The following FGFR1 variants were observed in gnomAD, a reference collection of about 807,000 sequenced individuals.
The protein encoded by FGFR1 is fibroblast growth factor receptor 1, also known as FGFR1/PLAG1 fusion.
Under a neutral mutation model 93.7 loss-of-function variants are expected in FGFR1, and 18 were observed. The ratio of observed to expected loss-of-function variants is 0.19; its 90% CI spans 0.13 to 0.28. The LOEUF (loss-of-function observed/expected upper bound fraction) is 0.28, where lower values mean the gene tolerates loss of function less well. Among genes scored for constraint, FGFR1 ranks in the 10% least tolerant of loss-of-function variants. FGFR1 has a pLI of 1.00. For missense variants in FGFR1, 731 were observed against 1,080.4 expected, an observed-to-expected ratio of 0.68 and a Z score of 4.53; for synonymous variants, 448 against 429.3, an observed-to-expected ratio of 1.04 and a Z score of -0.54.
At chr8:38,457,852 G>A (rs765682721) in intron 1 of FGFR1, among the ~76,000 whole-genome samples, 4 of 152,058 alleles carry the variant, frequency 2.6e-5, no homozygotes, top group East Asian at 1.9e-4. Context: ...GCGTGGTGGC[G>A]CGCACCTGTA....
intron 2 of FGFR1, among the ~76,000 whole-genome samples, chr8:38,431,628 A>G (rs568806401): frequency 6.6e-6 from 1 of 152,294 alleles, no homozygotes; most frequent in African/African-American, 2.4e-5. Flanking sequence ...TCAGCAACTG[A>G]CAGGGACTGA....
rs1213090295 is a variant in FGFR1 at position 38,416,056 on chromosome 8, G to A, written c.1668C>T (p.Pro556=). 1 of 1,610,606 alleles carries A rather than the reference G, an allele frequency of 6.2e-7. No individual in the cohort carries two copies. The change falls in exon 13 of 18, where the codon CCC becomes CCT. Residue 556 remains proline (P), a synonymous_variant. Transcript: ENST00000447712. The part of the protein sequence containing the change: ...NLLGACTQDG[P]LYVIVEYASK... ...AGGCATACTCCACGATGACATACAA[G>A]GGACCTGCAGGCACAGGAGAAGAGG...
At chr8:38,457,648 A>C (rs1289434417) in intron 1 of FGFR1, 114 bp from the exon 2 acceptor site, 1 of 1,035,398 alleles carries the variant, frequency 9.7e-7, no homozygotes. Flanking sequence ...GGACTTACTA[A>C]GGCGTCCAGA....
At chr8:38,414,957 C>A (rs946004304) in intron 13 of FGFR1, 56 bp from the exon 14 acceptor site, 1 of 1,522,100 alleles carries the variant, frequency 6.6e-7, no homozygotes, top group Non-Finnish European at 9.0e-7. Context: ...CTGGAAGGCT[C>A]TGGGCGGCCG....
chr8:38,429,781 C>G lies in FGFR1; in HGVS notation c.259G>C (p.Glu87Gln), dbSNP rs2150959492. ...NRTRITGEEV[E>Q]VQDSVPADSG... is the part of the protein sequence containing the mutation. ...TCTGCGGGCACGGAGTCCTGCACCT[C>G]CACCTCCTCCCCTGTGATGCGGGTG... Residue 87 changes from glutamate (E) to glutamine (Q), a missense_variant, in exon 3 of 18, where the codon GAG (glutamate) becomes CAG (glutamine). This residue lies in a region of FGFR1 where 212 missense variants were observed against 205.8 expected (regional missense o/e 1.03). Transcript: ENST00000447712. This position sits in a 1 kb window ranked among gnomAD's most constrained non-coding sequence, Gnocchi z 4.4. The G allele has an allele frequency of 6.2e-7, 1 of 1,611,182 alleles. No individual in the cohort carries two copies. Among genetic ancestry groups the G allele is most frequent in the Non-Finnish European group, 8.5e-7 (1 of 1,178,878 alleles).
rs775520462 is a variant in FGFR1, at chr8:38,414,294, A to C, written c.2049-5T>G. The C allele has an allele frequency of 6.2e-7, 1 of 1,614,080 alleles. No individual in the cohort carries two copies. The highest frequency in any genetic ancestry group is 1.7e-5 in the Admixed American group (1 of 60,024). ...AGGAGCACCCCGAAAGACCACCTGC[A>C]AATGGGCGGAGAGCCACAGGGTGTT... On this transcript the variant is annotated splice_polypyrimidine_tract_variant and splice_region_variant and intron_variant, in intron 15 of 17. Transcript: ENST00000447712.
intron 7 of FGFR1, chr8:38,422,642 T>C (rs1819242568): frequency 1.4e-5 from 4 of 289,302 alleles, no homozygotes; most frequent in Non-Finnish European, 2.6e-5. Context: ...CTTCAAGCGA[T>C]CCTCCCACCT....
chr8:38,437,628 G>A (rs1021195314), intron 2 of FGFR1, among the ~76,000 whole-genome samples: 1 of 152,200 alleles, frequency 6.6e-6, no homozygotes, highest in African/African-American at 2.4e-5. Flanking sequence ...AGGCATGGCT[G>A]TACCCTGGTC....
intron 2 of FGFR1, among the ~76,000 whole-genome samples, chr8:38,451,984 A>T (rs1244916787): frequency 6.6e-6 from 1 of 152,178 alleles, no homozygotes; most frequent in Non-Finnish European, 1.5e-5. Flanking sequence ...GCCTGATCTG[A>T]AACAAGCTGA....
intron 1 of FGFR1, among the ~76,000 whole-genome samples, chr8:38,462,491 AGACTCC>A (rs1834623495): frequency 2.0e-5 from 3 of 152,152 alleles, no homozygotes; most frequent in Admixed American, 6.5e-5. Flanking sequence ...CAACAAAGTG[AGACTCC>A]GTCTCAAAAA....
At chr8:38,463,782 A>G (rs1005927982) in intron 1 of FGFR1, among the ~76,000 whole-genome samples, 3 of 152,180 alleles carry the variant, frequency 2.0e-5, no homozygotes, top group Admixed American at 2.0e-4. Flanking sequence ...AGAATTGAGG[A>G]AGTAACACCA....
intron 15 of FGFR1, 98 bp from the exon 16 acceptor site, chr8:38,414,387 G>T: frequency 6.3e-7 from 1 of 1,588,226 alleles, no homozygotes; most frequent in East Asian, 2.3e-5. Flanking sequence ...AGACAGCATG[G>T]AGAACAGATC....
chr8:38,446,129 C>T (rs1366515817), intron 2 of FGFR1, among the ~76,000 whole-genome samples: 1 of 151,342 alleles, frequency 6.6e-6, no homozygotes, highest in Non-Finnish European at 1.5e-5. Flanking sequence ...CCTAGGGAAG[C>T]TCTTAGATCA....
In FGFR1 at chr8:38,426,201, G is replaced by A. The variant is rs1487575011; in HGVS notation, c.666C>T (p.Pro222=). 6.2e-7 allele frequency: 1 copy of A among 1,614,168 alleles called. No individual in the cohort carries two copies. The highest frequency in any genetic ancestry group is 1.3e-5 in the African/African-American group (1 of 75,052). ...TWSIIMDSVV[P]SDKGNYTCIV... Reference sequence around the variant, plus strand: ...TGCAGGTGTAGTTGCCCTTGTCAGAGGGCACCACAGAGTCCATTATGATGC... The same window carrying A: ...TGCAGGTGTAGTTGCCCTTGTCAGAAGGCACCACAGAGTCCATTATGATGC... The change falls in exon 6 of 18, where the codon CCC becomes CCT. Residue 222 remains proline, a synonymous_variant. Transcript: ENST00000447712. This position sits in a 1 kb window ranked among gnomAD's most constrained non-coding sequence, Gnocchi z 4.1.
intron 2 of FGFR1, among the ~76,000 whole-genome samples, chr8:38,447,136 CA>C (rs1563587217): frequency 2.1e-4 from 31 of 149,260 alleles, no homozygotes; most frequent in Admixed American, 1.9e-3. Context: ...CACACACACA[CA>C]CACACACACA....
chr8:38,416,082 C>T, intron 12 of FGFR1, 22 bp from the exon 13 acceptor site: 1 of 1,600,754 alleles, frequency 6.2e-7, no homozygotes, highest in Non-Finnish European at 8.5e-7. Flanking sequence ...GGAGAAGAGG[C>T]CATGGGGCCA....
chr8:38,426,258 G>C lies in FGFR1; in HGVS notation c.622-13C>G, dbSNP rs536164019. 2 of 1,613,950 alleles carry C rather than the reference G, an allele frequency of 1.2e-6. No homozygotes were observed. Among genetic ancestry groups the C allele is most frequent in the South Asian group, 2.2e-5 (2 of 91,080 alleles). On this transcript the variant is annotated splice_polypyrimidine_tract_variant and intron_variant, in intron 5 of 17. Transcript: ENST00000447712. This position sits in a 1 kb window ranked among gnomAD's most constrained non-coding sequence, Gnocchi z 4.1. The stretch of plus-strand genomic sequence containing the variant: ...TGGCATAACGGACCTGAGGGGAAAT[G>C]CCAAAGGGATACATTGAGGGTCCAG...
rs941835357 is a variant in FGFR1, at chr8:38,412,671, G to A, written c.*957C>T. 6.4e-5 allele frequency: 15 copies of A among 232,992 alleles called. No homozygotes were observed. The highest frequency in any genetic ancestry group is 1.8e-4 in the South Asian group (1 of 5,520). The allele number at this position is 232,992 out of a possible 1,614,324, so 14.4% of individuals were successfully genotyped here. On this transcript the variant is annotated 3_prime_UTR_variant, in exon 18 of 18. Coordinates refer to ENST00000447712, the MANE Select transcript of FGFR1 (RefSeq NM_023110.3). ...CGGGACAGACCTAGCCCCAGGGCCC[G>A]TGGGTGTCCCTTCTTTCCAGTGGAC...
At chr8:38,440,120 T>A (rs1053151805) in intron 2 of FGFR1, among the ~76,000 whole-genome samples, 12 of 151,924 alleles carry the variant, frequency 7.9e-5, no homozygotes, top group African/African-American at 2.9e-4. Context: ...GGTCCAGGAA[T>A]GTTTACAGTC....
Sources: gnomAD v4.1 joint callset for allele counts (sites outside exome capture counted in the v4.1 genomes callset) on GRCh38, gnomAD v4.1.1 for gene constraint, gnomAD v4.1.1 regional missense constraint, Gnocchi (gnomAD v3.1) non-coding constraint, MANE v1.5 for transcripts, NCBI Gene and HGNC (gene_info 2026-07-23, HGNC 2026-07-21) for gene names.